Variants in LIMCH1 observed in about 807,000 individuals in gnomAD.
The protein encoded by LIMCH1 is LIM and calponin homology domains-containing protein 1.
Under a neutral mutation model 176.5 loss-of-function variants are expected in LIMCH1, and 113 were observed. The observed-to-expected ratio is 0.64, with a 90% CI of 0.55 to 0.75. LIMCH1 has a LOEUF of 0.75. LIMCH1 is among the 30% of genes least tolerant of loss of function. LIMCH1 has a pLI of 0.00. For missense variants in LIMCH1, 1,674 were observed against 1,814.9 expected (o/e 0.92, Z 1.41); for synonymous variants, 619 against 645.9 (o/e 0.96, Z 0.63).
chr4:41,622,999 C>T (rs1434603636), intron 7 of LIMCH1, among the ~76,000 whole-genome samples: 1 of 152,218 alleles, frequency 6.6e-6, no homozygotes, highest in Admixed American at 6.5e-5. Context: ...CCAGCCAGCG[C>T]TCTCACAAAG....
rs1476989932 is a variant in LIMCH1, at chr4:41,666,790, G to C, written c.3397+124G>C. The stretch of plus-strand genomic sequence containing the variant: ...ATTCCTTTAGCCAGGGTGTTTGCCA[G>C]AGTCTGTGATAGCTGAATTTATGAC... On this transcript the variant is annotated intron_variant, in intron 21 of 31. Coordinates refer to ENST00000503057, the MANE Select transcript of LIMCH1 (RefSeq NM_001330672.2). 3 of 667,314 alleles carry C rather than the reference G, an allele frequency of 4.5e-6. No individual in the cohort carries two copies. In the African/African-American group the frequency reaches 5.4e-5, roughly 12 times the overall value. 41.3% of individuals were successfully genotyped at this position (667,314 alleles called of 1,614,324 possible). A position where few individuals can be genotyped will look rare whatever the true frequency, so the allele number is the denominator to read the frequency against.
rs190125463 is a variant in LIMCH1 at position 41,540,960 on chromosome 4, G to A, written c.-241+2610G>A. Among the ~76,000 whole-genome samples the A allele has an allele frequency of 3.4e-3, 523 of 152,276 alleles. 4 individuals are homozygous for A. The highest frequency in any genetic ancestry group is 0.013 in the Admixed American group (206 of 15,290). The stretch of plus-strand genomic sequence containing the variant: ...TCTCTACCTTTTAAAAAGGAATGTT[G>A]AGTAGATCTAGAAGGATGAAGCTTT... On this transcript the variant is annotated intron_variant, in intron 1 of 31. Coordinates refer to ENST00000503057, the MANE Select transcript of LIMCH1 (RefSeq NM_001330672.2).
chr4:41,528,583 T>A (rs1189215296), intron 3 of LIMCH1, among the ~76,000 whole-genome samples: 1 of 151,982 alleles, frequency 6.6e-6, no homozygotes, highest in African/African-American at 2.4e-5. Context: ...ATCAGGTTGG[T>A]TTTTTCACTT....
intron 1 of LIMCH1, among the ~76,000 whole-genome samples, chr4:41,435,452 T>A (rs1437456549): frequency 6.6e-6 from 1 of 152,014 alleles, no homozygotes; most frequent in African/African-American, 2.4e-5. Context: ...ACTGTAAGAG[T>A]CAATTTGTAT....
intron 1 of LIMCH1, among the ~76,000 whole-genome samples, chr4:41,445,642 C>A (rs2063206968): frequency 6.6e-6 from 1 of 152,196 alleles, no homozygotes; most frequent in African/African-American, 2.4e-5. Flanking sequence ...GTGAAGGTTT[C>A]CTTATCTGTT....
chr4:41,684,719 C>A (rs1412905141), intron 27 of LIMCH1, among the ~76,000 whole-genome samples: 1 of 152,066 alleles, frequency 6.6e-6, no homozygotes, highest in Non-Finnish European at 1.5e-5. Context: ...CTCAGTGAGA[C>A]CTGAGAGCGT....
At chr4:41,544,719 C>A (rs974772565) in intron 1 of LIMCH1, among the ~76,000 whole-genome samples, 4 of 152,182 alleles carry the variant, frequency 2.6e-5, no homozygotes, top group Admixed American at 2.0e-4. Context: ...CCAGACCACA[C>A]GTGTCTTCTG....
chr4:41,494,264 G>A (rs747522958), intron 1 of LIMCH1, among the ~76,000 whole-genome samples: 5 of 149,726 alleles, frequency 3.3e-5, no homozygotes, highest in Admixed American at 2.7e-4. Flanking sequence ...AATGCCACCC[G>A]TTTTTTTCAA....
At chr4:41,686,664 G>A (rs985779479) in intron 28 of LIMCH1, among the ~76,000 whole-genome samples, 37 of 152,134 alleles carry the variant, frequency 2.4e-4, no homozygotes, top group African/African-American at 8.0e-4. Context: ...TCTCTGCCTC[G>A]TTTATAAAAT....
intron 1 of LIMCH1, among the ~76,000 whole-genome samples, chr4:41,573,519 A>G (rs1049902014): frequency 2.0e-5 from 3 of 152,158 alleles, no homozygotes; most frequent in Admixed American, 1.3e-4. Flanking sequence ...GACCTTGATC[A>G]TGAGGACTTC....
At chr4:41,469,665 G>GATTGATTGATTT (rs1554061021) in intron 1 of LIMCH1, among the ~76,000 whole-genome samples, 2 of 148,248 alleles carry the variant, frequency 1.3e-5, no homozygotes, top group African/African-American at 5.1e-5. Context: ...CTTGTTTTGA[G>GATTGATTGATTT]ATTTATTTAT....
chr4:41,586,811 G>A (rs2086570677), intron 1 of LIMCH1, among the ~76,000 whole-genome samples: 2 of 152,184 alleles, frequency 1.3e-5, no homozygotes, highest in Non-Finnish European at 2.9e-5. Context: ...TCAAGTCCTT[G>A]AGAGGCGATA....
At chr4:41,567,909 C>G (rs1429862563) in intron 1 of LIMCH1, among the ~76,000 whole-genome samples, 1 of 152,152 alleles carries the variant, frequency 6.6e-6, no homozygotes, top group Admixed American at 6.5e-5. Context: ...AATCCCAGCA[C>G]TCTGGGATGC....
At chr4:41,369,606 C>CT (rs2053636015) in intron 1 of LIMCH1, among the ~76,000 whole-genome samples, 1 of 152,170 alleles carries the variant, frequency 6.6e-6, no homozygotes, top group African/African-American at 2.4e-5. Context: ...TCCTTCCCTT[C>CT]TTTGTACACA....
chr4:41,679,967 A>G (rs777632286), intron 23 of LIMCH1, 39 bp from the exon 24 acceptor site: 13 of 1,395,562 alleles, frequency 9.3e-6, no homozygotes, highest in Admixed American at 9.1e-5. Context: ...GACGTATGCA[A>G]TGGTCAGTTG....
chr4:41,694,220 C>T (rs986419548), intron 31 of LIMCH1, among the ~76,000 whole-genome samples: 8 of 152,112 alleles, frequency 5.3e-5, no homozygotes, highest in African/African-American at 1.9e-4. Flanking sequence ...ATTGTTTTCT[C>T]TGCTTCTATA....
intron 2 of LIMCH1, among the ~76,000 whole-genome samples, chr4:41,499,294 T>A (rs577776619): frequency 8.9e-4 from 136 of 152,322 alleles, no homozygotes; most frequent in Admixed American, 3.9e-3. Flanking sequence ...CATATTTGCT[T>A]TATCTCTTCA....
intron 1 of LIMCH1, among the ~76,000 whole-genome samples, chr4:41,392,521 G>A (rs1335982130): frequency 6.6e-6 from 1 of 152,208 alleles, no homozygotes; most frequent in Non-Finnish European, 1.5e-5. Context: ...AAGGGATGCT[G>A]TTTGCTTACT....
At chr4:41,633,222 G>A (rs990777802) in intron 12 of LIMCH1, 137 bp downstream of exon 12, 1 of 671,956 alleles carries the variant, frequency 1.5e-6, no homozygotes, top group African/African-American at 1.8e-5. Flanking sequence ...CACTAAAAGA[G>A]TGTGCTCATC....
Sources: gnomAD v4.1 joint callset for allele counts (sites outside exome capture counted in the v4.1 genomes callset) on GRCh38, gnomAD v4.1.1 for gene constraint, MANE v1.5 for transcripts, NCBI Gene and HGNC (gene_info 2026-07-23, HGNC 2026-07-21) for gene names.